OTUD3: variants seen among roughly 807,000 people sequenced by gnomAD.
OTUD3 encodes the protein OTU deubiquitinase 3, also known as OTU domain-containing protein 3.
Under a neutral mutation model 46.2 loss-of-function variants are expected in OTUD3, and 24 were observed. The observed-to-expected ratio is 0.52, with a 90% CI of 0.38 to 0.73. The LOEUF (loss-of-function observed/expected upper bound fraction) is 0.73. OTUD3 is among the 30% of genes least tolerant of loss of function. The pLI is 0.00. For missense variants in OTUD3, 455 were observed against 523.3 expected (o/e 0.87, Z 1.27); for synonymous variants, 189 against 195.4 (o/e 0.97, Z 0.27).
rs1047736237 is a variant in OTUD3 at position 19,910,559 on chromosome 1, A to G, written c.*2813A>G. 6.6e-6 allele frequency: 1 copy of G among 152,350 alleles called. No individual in the cohort carries two copies. The highest frequency in any genetic ancestry group is 6.5e-5 in the Admixed American group (1 of 15,288). 9.4% of individuals were successfully genotyped at this position (152,350 alleles called of 1,614,324 possible). A position where few individuals can be genotyped will look rare whatever the true frequency, so the allele number is the denominator to read the frequency against. On this transcript the variant is annotated 3_prime_UTR_variant, in exon 8 of 8. Coordinates refer to ENST00000375120, the MANE Select transcript of OTUD3 (RefSeq NM_015207.2). ...TGTGTGTATTTAGTTTTTCAATAAT[A>G]ATGAACATACACTTTCAGGAGCAAA...
At chr1:19,902,489 G>A (rs1028666209) in intron 4 of OTUD3, among the ~76,000 whole-genome samples, 5 of 152,192 alleles carry the variant, frequency 3.3e-5, no homozygotes, top group African/African-American at 9.6e-5. Flanking sequence ...ACAGGCATGA[G>A]CCACCACGCC....
In OTUD3 at chr1:19,911,138, T is replaced by A. The variant is rs1386892655; in HGVS notation, c.*3392T>A. On this transcript the variant is annotated 3_prime_UTR_variant, in exon 8 of 8. Coordinates refer to ENST00000375120, the MANE Select transcript of OTUD3 (RefSeq NM_015207.2). ...AGAATGGAGCTTCCTGATTTTAATG[T>A]GTTGCGTCAGTGGCCCTCTTCGACT... 1 of 152,342 alleles carries A rather than the reference T, an allele frequency of 6.6e-6. No homozygotes were observed. The highest frequency in any genetic ancestry group is 1.9e-4 in the East Asian group (1 of 5,326). 9.4% of individuals were successfully genotyped at this position (152,342 alleles called of 1,614,324 possible). A position where few individuals can be genotyped will look rare whatever the true frequency, so the allele number is the denominator to read the frequency against.
At chr1:19,905,993 C>A (rs1216953146) in intron 6 of OTUD3, among the ~76,000 whole-genome samples, 4 of 152,136 alleles carry the variant, frequency 2.6e-5, no homozygotes, top group African/African-American at 9.7e-5. Flanking sequence ...TGTGTACCTG[C>A]CACATGAGCA....
rs1020489370 is a variant in OTUD3 at position 19,882,459 on chromosome 1, C to G, written c.-55C>G. ...TTACCTTCCCAACGCTTGAGGCGGA[C>G]GCTGGGGGGTCCTGCGCCTTTCCCT... On this transcript the variant is annotated 5_prime_UTR_variant, in exon 1 of 8. Transcript: ENST00000375120. 6.9e-5 allele frequency: 92 copies of G among 1,325,760 alleles called. No individual in the cohort carries two copies. The highest frequency in any genetic ancestry group is 8.6e-5 in the Non-Finnish European group (90 of 1,043,292). 82.1% of individuals were successfully genotyped at this position (1,325,760 alleles called of 1,614,324 possible).
At chr1:19,886,218 G>A (rs2045357762) in intron 1 of OTUD3, among the ~76,000 whole-genome samples, 1 of 152,136 alleles carries the variant, frequency 6.6e-6, no homozygotes, top group South Asian at 2.1e-4. Flanking sequence ...TTATTAGGCA[G>A]TACAATATTA....
intron 7 of OTUD3, 75 bp from the exon 8 acceptor site, chr1:19,907,495 C>T (rs1159911482): frequency 4.4e-5 from 63 of 1,441,310 alleles, no homozygotes; most frequent in Non-Finnish European, 5.9e-5. Context: ...TGCCCTTTGC[C>T]ACCATCTCCC....
In OTUD3 at chr1:19,882,622, C is replaced by G. The variant is rs530190493; in HGVS notation, c.109C>G (p.Arg37Gly). 898 of 1,458,058 alleles carry G rather than the reference C, an allele frequency of 6.2e-4. 3 individuals are homozygous for G. In the Middle Eastern group the frequency reaches 8.1e-3, roughly 13 times the overall value. The allele number at this position is 1,458,058 out of a possible 1,614,324, so 90.3% of individuals were successfully genotyped here. Reference sequence around the variant, plus strand: ...GGCGCGCCGGGCCCTGGCCAAGGAGCGGCGGAATCGGCCGGAGTCTGGCGG... The same window carrying G: ...GGCGCGCCGGGCCCTGGCCAAGGAGGGGCGGAATCGGCCGGAGTCTGGCGG... Reference protein sequence around the residue: ...RAARRALAKERRNRPESGGGG... With the variant: ...RAARRALAKEGRNRPESGGGG... Residue 37 changes from arginine to glycine, a missense_variant, in exon 1 of 8, where the codon CGG (arginine) becomes GGG (glycine). Transcript: ENST00000375120.
chr1:19,898,621 G>T (rs1013240054), intron 4 of OTUD3, among the ~76,000 whole-genome samples: 1 of 151,654 alleles, frequency 6.6e-6, no homozygotes, highest in African/African-American at 2.4e-5. Flanking sequence ...CCAGCTACTC[G>T]GGAGGCTGAG....
chr1:19,902,651 T>C (rs1439193431), intron 4 of OTUD3, among the ~76,000 whole-genome samples: 2 of 152,190 alleles, frequency 1.3e-5, no homozygotes, highest in African/African-American at 4.8e-5. Context: ...CCTTTTTGAG[T>C]TGTAAGAGTT....
intron 2 of OTUD3, among the ~76,000 whole-genome samples, chr1:19,892,572 C>T (rs1023139864): frequency 3.3e-5 from 5 of 152,128 alleles, no homozygotes; most frequent in African/African-American, 9.7e-5. Context: ...CAACATCTTT[C>T]CCCCAACTGT....
chr1:19,900,090 G>A (rs565971407), intron 4 of OTUD3, among the ~76,000 whole-genome samples: 3 of 152,068 alleles, frequency 2.0e-5, no homozygotes, highest in Non-Finnish European at 2.9e-5. Context: ...AATTTGTTAC[G>A]ATTTTCTTAT....
chr1:19,884,812 C>A (rs769744548), intron 1 of OTUD3, among the ~76,000 whole-genome samples: 2 of 152,102 alleles, frequency 1.3e-5, no homozygotes, highest in Non-Finnish European at 2.9e-5. Context: ...CATCTCCGGT[C>A]CCTTGAGTCA....
Position 19,909,823 on chromosome 1 carries a change from T to A in OTUD3, c.*2077T>A, listed in dbSNP as rs2045711575. 6.6e-6 allele frequency: 1 copy of A among 152,390 alleles called. No individual in the cohort carries two copies. Among genetic ancestry groups the A allele is most frequent in the African/African-American group, 2.4e-5 (1 of 41,476 alleles). The allele number at this position is 152,390 out of a possible 1,614,324, so 9.4% of individuals were successfully genotyped here. A position where few individuals can be genotyped will look rare whatever the true frequency, so the allele number is the denominator to read the frequency against. ...GTTATTAAAGAATATTGGGAACATT[T>A]ATTTTTTAAATTACCTAATTCTGGT... On this transcript the variant is annotated 3_prime_UTR_variant, in exon 8 of 8. Transcript: ENST00000375120.
chr1:19,907,914 G>A lies in OTUD3; in HGVS notation c.*168G>A. ...CAAGCTGCCTCTTTTTTTGTTCGAAGTTTTATTAGTGATATGTTGGTGTTT... is the reference window on the plus strand; with the variant it reads ...CAAGCTGCCTCTTTTTTTGTTCGAAATTTTATTAGTGATATGTTGGTGTTT... On this transcript the variant is annotated 3_prime_UTR_variant, in exon 8 of 8. Coordinates refer to ENST00000375120, the MANE Select transcript of OTUD3 (RefSeq NM_015207.2). 1.9e-6 allele frequency: 1 copy of A among 538,982 alleles called. No individual in the cohort carries two copies. Among genetic ancestry groups the A allele is most frequent in the Non-Finnish European group, 3.2e-6 (1 of 310,072 alleles). The allele number at this position is 538,982 out of a possible 1,614,324, so 33.4% of individuals were successfully genotyped here. A position where few individuals can be genotyped will look rare whatever the true frequency, so the allele number is the denominator to read the frequency against.
At chr1:19,886,597 G>C (rs1471251033) in intron 1 of OTUD3, among the ~76,000 whole-genome samples, 1 of 152,072 alleles carries the variant, frequency 6.6e-6, no homozygotes. Flanking sequence ...AGTGGGGCCT[G>C]GTTATTGATG....
intron 4 of OTUD3, 94 bp from the exon 5 acceptor site, chr1:19,904,173 A>T (rs2045627132): frequency 1.0e-6 from 1 of 957,684 alleles, no homozygotes; most frequent in Non-Finnish European, 1.5e-6. Context: ...CCCTATATAT[A>T]TGAATTTTTC....
chr1:19,907,526 A>G, intron 7 of OTUD3, 44 bp from the exon 8 acceptor site: 1 of 1,589,108 alleles, frequency 6.3e-7, no homozygotes, highest in Non-Finnish European at 8.6e-7. Flanking sequence ...TGGCAGCTTG[A>G]GTCCCCCGTG....
At chr1:19,895,408 C>A (rs903008966) in intron 3 of OTUD3, among the ~76,000 whole-genome samples, 3 of 152,226 alleles carry the variant, frequency 2.0e-5, no homozygotes, top group Non-Finnish European at 4.4e-5. Context: ...GAAAAAGTTA[C>A]TTCCAGGCTC....
chr1:19,889,585 G>A (rs2100258231), intron 1 of OTUD3, among the ~76,000 whole-genome samples: 1 of 152,304 alleles, frequency 6.6e-6, no homozygotes, highest in East Asian at 1.9e-4. Context: ...TTGAGTCTCT[G>A]TGTATCTAAG....
Sources: gnomAD v4.1 joint callset for allele counts (sites outside exome capture counted in the v4.1 genomes callset) on GRCh38, gnomAD v4.1.1 for gene constraint, MANE v1.5 for transcripts, NCBI Gene and HGNC (gene_info 2026-07-23, HGNC 2026-07-21) for gene names.